Variants in OSBPL1A observed in about 807,000 individuals in gnomAD.
OSBPL1A encodes the protein oxysterol binding protein like 1A, also known as oxysterol-binding protein-related protein 1.
Under a neutral mutation model 137.1 loss-of-function variants are expected in OSBPL1A, and 80 were observed. The ratio of observed to expected loss-of-function variants is 0.58; its 90% CI spans 0.49 to 0.70. The LOEUF (loss-of-function observed/expected upper bound fraction) is 0.70, where lower values mean the gene tolerates loss of function less well. Ranked by LOEUF, OSBPL1A falls within the 30% of genes least tolerant of loss-of-function variation. The pLI is 0.00. For synonymous variants in OSBPL1A, 365 were observed against 389.7 expected (o/e 0.94, Z 0.75); for missense variants, 970 against 1,129.4 (o/e 0.86, Z 2.02).
chr18:24,196,221 C>A (rs1567937299), intron 17 of OSBPL1A, 21 bp from the exon 18 acceptor site: 1 of 1,543,806 alleles, frequency 6.5e-7, no homozygotes, highest in Admixed American at 1.7e-5. Context: ...AAAAGAAAAA[C>A]ATAAAGTTCA....
intron 14 of OSBPL1A, among the ~76,000 whole-genome samples, chr18:24,300,345 A>G (rs575549428): frequency 9.2e-5 from 14 of 152,366 alleles, no homozygotes; most frequent in African/African-American, 3.1e-4. Flanking sequence ...AGACTATGAA[A>G]ATCTTTAAAT....
At chr18:24,254,888 TAGAA>T (rs1328979943) in intron 15 of OSBPL1A, among the ~76,000 whole-genome samples, 2 of 151,542 alleles carry the variant, frequency 1.3e-5, no homozygotes, top group Non-Finnish European at 2.9e-5. Context: ...GTGAGGAAAA[TAGAA>T]AGATCAATGA....
At chr18:24,318,312 C>T (rs886878474) in intron 9 of OSBPL1A, among the ~76,000 whole-genome samples, 2 of 151,950 alleles carry the variant, frequency 1.3e-5, no homozygotes, top group African/African-American at 2.4e-5. Flanking sequence ...GGCACGGTGG[C>T]GGGCGCCTAT....
At position 24,397,799 on chromosome 18, in the gene OSBPL1A, T is replaced by C. The variant is rs1241268721; in HGVS notation, c.-147A>G. The C allele has an allele frequency of 6.6e-6, 1 of 152,078 alleles. No individual in the cohort carries two copies. The highest frequency in any genetic ancestry group is 1.5e-5 in the Non-Finnish European group (1 of 68,034). 9.4% of individuals were successfully genotyped at this position (152,078 alleles called of 1,614,324 possible). ...GACGCTCGAGCCCGCGTAACGTCTG[T>C]CTCCGGGACCCGGCGCCGGGACCAC... On this transcript the variant is annotated 5_prime_UTR_variant, in exon 1 of 28. Coordinates refer to ENST00000319481, the MANE Select transcript of OSBPL1A (RefSeq NM_080597.4).
chr18:24,214,952 T>C (rs1017783025), intron 17 of OSBPL1A, among the ~76,000 whole-genome samples: 2 of 152,254 alleles, frequency 1.3e-5, no homozygotes, highest in Admixed American at 6.5e-5. Context: ...TTGCTTTAGC[T>C]ACTTCCACAG....
rs45467295 is a variant in OSBPL1A, at chr18:24,172,451, G to A, written c.2126C>T (p.Thr709Ile). 0.011 allele frequency: 18,489 copies of A among 1,613,822 alleles called. 127 individuals carry two copies. The highest frequency in any genetic ancestry group is 0.014 in the Non-Finnish European group (16,404 of 1,179,780). The change falls in exon 22 of 28, where the codon ACC becomes ATC. Residue 709 changes from threonine (T) to isoleucine (I), a missense_variant. Around this residue, in one of 2 missense-constraint regions of OSBPL1A, gnomAD observed 323 missense variants for 456.8 expected, o/e 0.71. Coordinates refer to ENST00000319481, the MANE Select transcript of OSBPL1A (RefSeq NM_080597.4). The part of the protein sequence containing the change: ...HNEAYTWTNP[T>I]CCVHNIIVGK... ...CACAATGATATTATGCACACAGCAG[G>A]TGGGATTTGTCCATGTATATGCCTC...
In OSBPL1A at chr18:24,309,375, G is replaced by T. The variant is rs373574991; in HGVS notation, c.1092+2609C>A. On this transcript the variant is annotated intron_variant, in intron 13 of 27. Transcript: ENST00000319481. ...CTCTCTCTTTCCTTCTAAGAGACAGGGACTCACTATATTGCCCAGGCTGAA... is the reference window on the plus strand; with the variant it reads ...CTCTCTCTTTCCTTCTAAGAGACAGTGACTCACTATATTGCCCAGGCTGAA... 2.6e-5 allele frequency among the ~76,000 whole-genome samples: 4 copies of T among 151,416 alleles called. No homozygotes were observed. The East Asian group carries it at 7.8e-4, about 30-fold the overall frequency.
rs530088111 is a variant in OSBPL1A at position 24,359,424 on chromosome 18, C to A, written c.282+7468G>T. Reference sequence around the variant, plus strand: ...TGTTTTACAAGCATTCTCAGCTGGGCGTGGTGGCTCATGCCTGTGATCCGA... The same window carrying A: ...TGTTTTACAAGCATTCTCAGCTGGGAGTGGTGGCTCATGCCTGTGATCCGA... On this transcript the variant is annotated intron_variant, in intron 4 of 27. Transcript: ENST00000319481. Among the ~76,000 whole-genome samples the A allele has an allele frequency of 3.9e-5, 6 of 151,944 alleles. No individual in the cohort carries two copies. The South Asian group carries it at 1.0e-3, about 26-fold the overall frequency.
At chr18:24,285,803 C>T (rs1472396379) in intron 14 of OSBPL1A, among the ~76,000 whole-genome samples, 3 of 152,088 alleles carry the variant, frequency 2.0e-5, no homozygotes, top group African/African-American at 7.2e-5. Flanking sequence ...AAATGCAATA[C>T]ATAATGACTA....
At chr18:24,220,799 T>C (rs1478212352) in intron 17 of OSBPL1A, among the ~76,000 whole-genome samples, 1 of 151,738 alleles carries the variant, frequency 6.6e-6, no homozygotes, top group Non-Finnish European at 1.5e-5. Context: ...CTTTAGGAAG[T>C]GAGATTTTGT....
chr18:24,280,681 C>A (rs1230167363), intron 15 of OSBPL1A, among the ~76,000 whole-genome samples, 161 bp downstream of exon 15: 1 of 152,180 alleles, frequency 6.6e-6, no homozygotes, highest in African/African-American at 2.4e-5. Flanking sequence ...CCTGCTTAAT[C>A]AATAATAAAT....
At chr18:24,212,703 T>C (rs2087582322) in intron 17 of OSBPL1A, among the ~76,000 whole-genome samples, 1 of 152,204 alleles carries the variant, frequency 6.6e-6, no homozygotes, top group African/African-American at 2.4e-5. Flanking sequence ...TCCACGGTCA[T>C]AAAAATACTA....
intron 14 of OSBPL1A, among the ~76,000 whole-genome samples, chr18:24,297,953 G>A (rs2090323011): frequency 6.6e-6 from 1 of 152,134 alleles, no homozygotes; most frequent in Admixed American, 6.6e-5. Flanking sequence ...AAACCTACTG[G>A]GCTGCATTCC....
intron 14 of OSBPL1A, among the ~76,000 whole-genome samples, chr18:24,300,562 G>C (rs1453463053): frequency 2.0e-5 from 3 of 152,326 alleles, no homozygotes; most frequent in African/African-American, 7.2e-5. Flanking sequence ...AGTCCCAGGA[G>C]ACAGGGACTA....
intron 11 of OSBPL1A, 71 bp downstream of exon 11, chr18:24,317,078 A>G: frequency 6.8e-7 from 1 of 1,469,630 alleles, no homozygotes; most frequent in Non-Finnish European, 9.5e-7. Context: ...GGCTGTATAA[A>G]TGATTTGGGT....
intron 24 of OSBPL1A, among the ~76,000 whole-genome samples, chr18:24,169,123 A>G (rs773710187): frequency 6.6e-6 from 1 of 152,196 alleles, no homozygotes; most frequent in Non-Finnish European, 1.5e-5. Flanking sequence ...CATGGGATAT[A>G]AAGAGGGAAG....
chr18:24,296,095 A>G (rs945421486), intron 14 of OSBPL1A, among the ~76,000 whole-genome samples: 2 of 152,296 alleles, frequency 1.3e-5, no homozygotes, highest in African/African-American at 4.8e-5. Flanking sequence ...TGCTTTGGGC[A>G]GTATGGTCAT....
At chr18:24,212,832 G>A (rs116425330) in intron 17 of OSBPL1A, among the ~76,000 whole-genome samples, 145 of 152,296 alleles carry the variant, frequency 9.5e-4, no homozygotes, top group African/African-American at 3.5e-3. Flanking sequence ...TCAACACAAA[G>A]TGTCTAAAAT....
At chr18:24,353,016 T>G (rs968440396) in intron 4 of OSBPL1A, among the ~76,000 whole-genome samples, 1 of 152,144 alleles carries the variant, frequency 6.6e-6, no homozygotes, top group Non-Finnish European at 1.5e-5. Context: ...GGCAAGGACT[T>G]CATGTCTAAA....
Sources: allele counts gnomAD v4.1 joint callset (sites outside exome capture counted in the v4.1 genomes callset), GRCh38; gene constraint gnomAD v4.1.1; regional missense constraint gnomAD v4.1.1; transcripts MANE v1.5; gene names NCBI Gene and HGNC (gene_info 2026-07-23, HGNC 2026-07-21).